Variants in MTAP observed in about 807,000 individuals in gnomAD.
MTAP encodes the protein methylthioadenosine phosphorylase.
In MTAP, 33 loss-of-function variants were observed where a neutral mutation model predicts 33.6. That is an observed-to-expected ratio of 0.98 (90% CI 0.74 to 1.31). The LOEUF (loss-of-function observed/expected upper bound fraction) is 1.31. Ranked by LOEUF, MTAP falls within the 40% of genes most tolerant of loss-of-function variation. The pLI is 0.00. For missense variants in MTAP, 367 were observed against 360.0 expected (o/e 1.02, Z -0.16); for synonymous variants, 148 against 125.7 (o/e 1.18, Z -1.19).
chr9:21,889,321 G>C (rs1416069136), intron 1 of MTAP, among the ~76,000 whole-genome samples: 1 of 151,630 alleles, frequency 6.6e-6, no homozygotes, highest in African/African-American at 2.4e-5. Flanking sequence ...CTTTAAGTTA[G>C]TTTTCACTTT....
chr9:21,814,389 A>T (rs910381147), intron 1 of MTAP, among the ~76,000 whole-genome samples: 2 of 152,130 alleles, frequency 1.3e-5, no homozygotes, highest in African/African-American at 4.8e-5. Flanking sequence ...TACCCTTGTG[A>T]CAATAGATTT....
chr9:21,852,678 A>G (rs2118494445), intron 5 of MTAP, among the ~76,000 whole-genome samples: 1 of 150,282 alleles, frequency 6.7e-6, no homozygotes, highest in African/African-American at 2.4e-5. Flanking sequence ...ATCACAATAA[A>G]CCACTTGCTC....
intron 1 of MTAP, among the ~76,000 whole-genome samples, chr9:21,904,101 C>T (rs1049997573): frequency 1.3e-5 from 2 of 152,164 alleles, no homozygotes; most frequent in African/African-American, 4.8e-5. Context: ...GCGGCCTGGG[C>T]TGTCCTCCGA....
intron 1 of MTAP, among the ~76,000 whole-genome samples, chr9:21,874,567 A>G (rs937335398): frequency 6.6e-6 from 1 of 152,130 alleles, no homozygotes; most frequent in Non-Finnish European, 1.5e-5. Context: ...TGGTTGTTTT[A>G]AAATAATTTT....
chr9:21,915,039 CCTTCCTTCCTTCCTTCCTTT>C (rs1490085941), intron 1 of MTAP, among the ~76,000 whole-genome samples: 3 of 81,092 alleles, frequency 3.7e-5, no homozygotes, highest in Non-Finnish European at 6.3e-5. Flanking sequence ...TTCCTTCCTT[CCTTCCTTCCTTCCTTCCTTT>C]CTTTCTTTCT....
chr9:21,845,759 A>C (rs1825364559), intron 5 of MTAP, among the ~76,000 whole-genome samples: 1 of 152,176 alleles, frequency 6.6e-6, no homozygotes, highest in Non-Finnish European at 1.5e-5. Flanking sequence ...ATATAAAAAA[A>C]AAAATCCTAA....
rs368821835 is a variant in MTAP, at chr9:21,920,753, C to T, written c.148-10255C>T. Among the ~76,000 whole-genome samples the T allele has an allele frequency of 3.9e-5, 6 of 152,204 alleles. No homozygotes were observed. The South Asian group carries it at 8.3e-4, about 21-fold the overall frequency. ...GTGTATTAATCTGGAAATATTTATC[C>T]CTTGGATAAATCCCACTTGATCATG... On this transcript the variant is annotated intron_variant, in intron 1 of 1. Transcript: ENST00000577563.
At chr9:21,916,001 G>A (rs1818681663) in intron 1 of MTAP, among the ~76,000 whole-genome samples, 1 of 148,490 alleles carries the variant, frequency 6.7e-6, no homozygotes. Flanking sequence ...CAGCACTCCA[G>A]CCTCAGTGAC....
chr9:21,823,829 C>G (rs534563412), intron 4 of MTAP, among the ~76,000 whole-genome samples: 1 of 152,244 alleles, frequency 6.6e-6, no homozygotes, highest in East Asian at 1.9e-4. Flanking sequence ...TCTTTTTTCT[C>G]TAAACTTCTC....
At chr9:21,940,185 G>C (rs994773787), downstream of MTAP, among the ~76,000 whole-genome samples, 1 of 152,174 alleles carries the variant, frequency 6.6e-6, no homozygotes, top group African/African-American at 2.4e-5. Context: ...GATGAAGTCT[G>C]ATGACAAGTC....
chr9:21,916,235 C>A (rs921051099), intron 1 of MTAP, among the ~76,000 whole-genome samples: 7 of 152,140 alleles, frequency 4.6e-5, no homozygotes, highest in Non-Finnish European at 8.8e-5. Flanking sequence ...GAAATAGGTT[C>A]TTTGCAGATG....
chr9:21,891,665 G>A (rs1488774075), intron 1 of MTAP, among the ~76,000 whole-genome samples: 1 of 152,202 alleles, frequency 6.6e-6, no homozygotes, highest in Non-Finnish European at 1.5e-5. Context: ...ATCCCTGGCA[G>A]AAAGGGAGCA....
In MTAP at chr9:21,914,136, T is replaced by A. The variant is rs559955469; in HGVS notation, c.148-16872T>A. Among the ~76,000 whole-genome samples, 197 of 152,192 alleles carry A rather than the reference T, an allele frequency of 1.3e-3. 2 individuals are homozygous for A. The highest frequency in any genetic ancestry group is 4.6e-3 in the African/African-American group (193 of 41,508). ...CATTAAAAAGTCAGGAAACAATAGG[T>A]GCTGGAGAGGATGTGGAGAAATAGG... On this transcript the variant is annotated intron_variant, in intron 1 of 1. Coordinates refer to the MTAP transcript ENST00000577563.
At chr9:21,924,662 G>A (rs1420965560) in intron 1 of MTAP, among the ~76,000 whole-genome samples, 1 of 152,194 alleles carries the variant, frequency 6.6e-6, no homozygotes, top group Non-Finnish European at 1.5e-5. Flanking sequence ...GGAACCAAGA[G>A]TGGAGCTTAG....
chr9:21,888,974 G>A (rs2118738707), intron 1 of MTAP, among the ~76,000 whole-genome samples: 1 of 152,146 alleles, frequency 6.6e-6, no homozygotes, highest in Non-Finnish European at 1.5e-5. Flanking sequence ...GAAGAGAGTG[G>A]GGTCCTATCT....
At chr9:21,913,886 C>T (rs909762856) in intron 1 of MTAP, among the ~76,000 whole-genome samples, 3 of 152,176 alleles carry the variant, frequency 2.0e-5, no homozygotes, top group African/African-American at 7.2e-5. Context: ...ACTCATCTGA[C>T]AAAGGGCTAA....
At chr9:21,816,813 T>C (rs1446112945) in intron 3 of MTAP, 41 bp downstream of exon 3, 1 of 1,524,106 alleles carries the variant, frequency 6.6e-7, no homozygotes, top group East Asian at 2.3e-5. Flanking sequence ...TACTAAAGGA[T>C]AATTTAAATT....
At position 21,837,965 on chromosome 9, in the gene MTAP, G is replaced by A. The variant is rs1292344699; in HGVS notation, c.405G>A (p.Val135=). 2 of 1,614,036 alleles carry A rather than the reference G, an allele frequency of 1.2e-6. No homozygotes were observed. The highest frequency in any genetic ancestry group is 1.3e-5 in the African/African-American group (1 of 74,918). The change falls in exon 5 of 8, where the codon GTG becomes GTA. Residue 135 remains valine (V), a synonymous_variant. Transcript: ENST00000644715. ...YDGSHSCARG[V]CHIPMAEPFC... ...GAAGTCATTCTTGTGCCAGAGGAGT[G>A]TGCCATATTCCAATGGCTGAGCCGT... is the stretch of plus-strand genomic sequence containing the variant.
At chr9:21,939,168 T>A (rs1036453704), downstream of MTAP, among the ~76,000 whole-genome samples, 8 of 152,292 alleles carry the variant, frequency 5.3e-5, no homozygotes, top group Middle Eastern at 3.4e-3. Context: ...AGGTAAGAAG[T>A]GCCTTTCAGC....
Sources: gnomAD v4.1 joint callset for allele counts (sites outside exome capture counted in the v4.1 genomes callset) on GRCh38, gnomAD v4.1.1 for gene constraint, MANE v1.5 for transcripts, NCBI Gene and HGNC (gene_info 2026-07-23, HGNC 2026-07-21) for gene names.